PCSK2: variants seen among roughly 807,000 people sequenced by gnomAD.
The protein encoded by PCSK2 is proprotein convertase subtilisin/kexin type 2.
Under a neutral mutation model 69.7 loss-of-function variants are expected in PCSK2, and 14 were observed. The ratio of observed to expected loss-of-function variants is 0.20; its 90% confidence interval spans 0.13 to 0.31. PCSK2 has a LOEUF of 0.31. Among genes scored for constraint, PCSK2 ranks in the 10% least tolerant of loss-of-function variants. The probability of loss-of-function intolerance (pLI) is 1.00; values close to 1 mark genes in which losing one functional copy is unlikely to be tolerated. For synonymous variants in PCSK2, 307 were observed against 320.7 expected, an observed-to-expected ratio of 0.96 and a Z score of 0.46; for missense variants, 544 against 842.5, an observed-to-expected ratio of 0.65 and a Z score of 4.39.
chr20:17,298,750 C>T (rs1988980274), intron 2 of PCSK2, among the ~76,000 whole-genome samples: 1 of 151,982 alleles, frequency 6.6e-6, no homozygotes, highest in Admixed American at 6.6e-5. Flanking sequence ...CTTCCCTAAG[C>T]TGCCAGTATT....
At chr20:17,265,369 A>G (rs1484044772) in intron 2 of PCSK2, among the ~76,000 whole-genome samples, 6 of 152,128 alleles carry the variant, frequency 3.9e-5, no homozygotes, top group African/African-American at 1.4e-4. Flanking sequence ...TTATCCTTAT[A>G]CTTGTTAACT....
intron 5 of PCSK2, among the ~76,000 whole-genome samples, chr20:17,407,591 A>C (rs1029892950): frequency 6.6e-6 from 1 of 152,178 alleles, no homozygotes; most frequent in African/African-American, 2.4e-5. Flanking sequence ...AAAAAACAGA[A>C]ATCCAAATAT....
At chr20:17,392,354 T>C (rs2123274138) in intron 5 of PCSK2, among the ~76,000 whole-genome samples, 1 of 152,288 alleles carries the variant, frequency 6.6e-6, no homozygotes, top group South Asian at 2.1e-4. Flanking sequence ...AAAGAAGAAT[T>C]AGTACATTCC....
At chr20:17,324,948 C>T (rs1035870146) in intron 2 of PCSK2, among the ~76,000 whole-genome samples, 19 of 152,128 alleles carry the variant, frequency 1.2e-4, no homozygotes, top group African/African-American at 1.9e-4. Context: ...TGCAGTGTCG[C>T]GAGGCCACCA....
At chr20:17,272,337 T>G (rs1440852919) in intron 2 of PCSK2, among the ~76,000 whole-genome samples, 2 of 152,080 alleles carry the variant, frequency 1.3e-5, no homozygotes, top group African/African-American at 4.8e-5. Flanking sequence ...TTAAAATCAT[T>G]TTAGCATTTT....
In PCSK2 at chr20:17,481,991, T is replaced by C. The variant is rs763874559; in HGVS notation, c.1838T>C (p.Met613Thr). The change falls in exon 12 of 12, where the codon ATG becomes ACG. Residue 613 changes from methionine (M) to threonine (T), a missense_variant. By Grantham distance (81) the Met-to-Thr change is moderately conservative. Coordinates refer to ENST00000262545, the MANE Select transcript of PCSK2 (RefSeq NM_002594.5). Reference sequence around the variant, plus strand: ...CGGGATTACCAGTCCAAGTTGGCCATGTCCAAGAAAGAGGAGCTGGAGGAA... The same window carrying C: ...CGGGATTACCAGTCCAAGTTGGCCACGTCCAAGAAAGAGGAGCTGGAGGAA... The part of the protein sequence containing the change: ...VVRDYQSKLA[M>T]SKKEELEEEL... 58 of 1,612,476 alleles carry C rather than the reference T, an allele frequency of 3.6e-5. 1 individual carries two copies. The highest frequency in any genetic ancestry group is 2.2e-5 in the East Asian group (1 of 44,862).
intron 5 of PCSK2, among the ~76,000 whole-genome samples, chr20:17,395,025 C>T (rs1274875906): frequency 1.3e-5 from 2 of 152,208 alleles, no homozygotes; most frequent in East Asian, 3.8e-4. Context: ...GTTCAAACTA[C>T]TTCTTCCTGA....
intron 6 of PCSK2, among the ~76,000 whole-genome samples, chr20:17,418,574 G>A (rs2032052733): frequency 6.6e-6 from 1 of 152,146 alleles, no homozygotes; most frequent in South Asian, 2.1e-4. Context: ...CTGTGGTTGG[G>A]TCAGAAACTG....
At chr20:17,246,661 C>T (rs918373819) in intron 1 of PCSK2, among the ~76,000 whole-genome samples, 15 of 152,012 alleles carry the variant, frequency 9.9e-5, no homozygotes, top group African/African-American at 3.1e-4. Flanking sequence ...TTGGGTCCAA[C>T]GCATTCCATG....
intron 2 of PCSK2, among the ~76,000 whole-genome samples, chr20:17,337,892 G>A (rs1160612320): frequency 6.9e-6 from 1 of 145,472 alleles, no homozygotes; most frequent in Non-Finnish European, 1.5e-5. Context: ...TCATGCCACT[G>A]TATTCCAGCC....
At chr20:17,255,639 C>G (rs561920372) in intron 1 of PCSK2, among the ~76,000 whole-genome samples, 1 of 152,292 alleles carries the variant, frequency 6.6e-6, no homozygotes, top group Non-Finnish European at 1.5e-5. Context: ...CCGCACCCAG[C>G]CTTCATTCCT....
intron 1 of PCSK2, among the ~76,000 whole-genome samples, chr20:17,251,293 G>A (rs1317868873): frequency 6.6e-6 from 1 of 152,066 alleles, no homozygotes; most frequent in Non-Finnish European, 1.5e-5. Context: ...GAGTATATCA[G>A]CAGGGTTAAG....
intron 2 of PCSK2, among the ~76,000 whole-genome samples, chr20:17,337,571 G>C (rs1235431204): frequency 2.6e-5 from 4 of 152,084 alleles, no homozygotes; most frequent in Non-Finnish European, 5.9e-5. Flanking sequence ...AGAAAACTCT[G>C]CCTTATCTTA....
intron 7 of PCSK2, among the ~76,000 whole-genome samples, chr20:17,432,019 T>C (rs2032378914): frequency 6.6e-6 from 1 of 152,178 alleles, no homozygotes; most frequent in African/African-American, 2.4e-5. Context: ...CTGTGATGTC[T>C]GAGGTCCTTC....
chr20:17,369,511 G>A (rs143288516), intron 5 of PCSK2, among the ~76,000 whole-genome samples: 383 of 152,124 alleles, frequency 2.5e-3, no homozygotes, highest in Non-Finnish European at 2.3e-3. Context: ...AGATGCACAC[G>A]TACTCATAGG....
intron 9 of PCSK2, among the ~76,000 whole-genome samples, chr20:17,454,288 A>G (rs1476034561): frequency 1.3e-5 from 2 of 152,204 alleles, no homozygotes; most frequent in Non-Finnish European, 2.9e-5. Flanking sequence ...AGAATAACTA[A>G]CTCATTGTAA....
chr20:17,337,235 CAA>C (rs1990379920), intron 2 of PCSK2, among the ~76,000 whole-genome samples: 1 of 152,166 alleles, frequency 6.6e-6, no homozygotes, highest in Admixed American at 6.5e-5. Context: ...GAACTTGCCT[CAA>C]AGAACAACAA....
chr20:17,230,489 AT>A (rs1175201672), intron 1 of PCSK2, among the ~76,000 whole-genome samples: 2 of 152,226 alleles, frequency 1.3e-5, no homozygotes, highest in South Asian at 2.1e-4. Flanking sequence ...TAACTGAAAA[AT>A]AATTGCTTTT....
intron 8 of PCSK2, among the ~76,000 whole-genome samples, chr20:17,441,208 T>C (rs1016310798): frequency 2.0e-5 from 3 of 152,328 alleles, no homozygotes; most frequent in African/African-American, 7.2e-5. Flanking sequence ...CCTTGATGCT[T>C]TCAGGGAAAT....
Sources: gnomAD v4.1 joint callset for allele counts (sites outside exome capture counted in the v4.1 genomes callset) on GRCh38, gnomAD v4.1.1 for gene constraint, MANE v1.5 for transcripts, NCBI Gene and HGNC (gene_info 2026-07-23, HGNC 2026-07-21) for gene names.